Variants in TENM1 observed in about 807,000 individuals in gnomAD.
The protein encoded by TENM1 is teneurin-1.
A neutral mutation model predicts 174.8 loss-of-function variants in TENM1; 35 were observed. The ratio of observed to expected loss-of-function variants is 0.20; its 90% confidence interval spans 0.15 to 0.27. The LOEUF is 0.27. Among genes scored for constraint, TENM1 ranks in the 10% least tolerant of loss-of-function variants. The pLI is 1.00. For missense variants in TENM1, 1,633 were observed against 2,130.1 expected, an observed-to-expected ratio of 0.77 and a Z score of 4.59; for synonymous variants, 781 against 798.7, an observed-to-expected ratio of 0.98 and a Z score of 0.37.
chrX:125,026,340 C>T, the TENM1 span, among the ~76,000 whole-genome samples: 31,619 of 110,151 alleles, frequency 0.29, 5,342 homozygotes, highest in African/African-American at 0.64. Context: ...AAATATAAAT[C>T]ACTAACATAC....
intron 23 of TENM1, among the ~76,000 whole-genome samples, chrX:124,452,998 C>G (rs1433648866): frequency 9.0e-6 from 1 of 110,524 alleles, no homozygotes; most frequent in South Asian, 3.9e-4. Context: ...TACCCTAGAA[C>G]TTAAAGTATA....
the TENM1 span, among the ~76,000 whole-genome samples, chrX:125,196,013 C>CGAACGAAG: frequency 8.6e-3 from 778 of 90,718 alleles, 14 homozygotes; most frequent in African/African-American, 0.032. Context: ...AAAGAAGGAA[C>CGAACGAAG]GAAGGAAGGA....
intron 1 of TENM1, among the ~76,000 whole-genome samples, chrX:124,936,278 C>A (rs2058242302): frequency 1.8e-5 from 2 of 111,837 alleles, no homozygotes; most frequent in Non-Finnish European, 3.8e-5. Flanking sequence ...TTAAAACACA[C>A]CAAACTCTTT....
At chrX:124,458,237 T>C (rs976418579) in intron 22 of TENM1, among the ~76,000 whole-genome samples, 9 of 112,479 alleles carry the variant, frequency 8.0e-5, no homozygotes, top group Non-Finnish European at 1.3e-4. Context: ...CCCATCTGAC[T>C]ACTGTCCACT....
At chrX:124,466,624 C>T (rs780663048) in intron 22 of TENM1, among the ~76,000 whole-genome samples, 7 of 111,582 alleles carry the variant, frequency 6.3e-5, no homozygotes, top group Non-Finnish European at 1.1e-4. Context: ...AAAAGTACAA[C>T]GGAAAGAAAC....
chrX:125,060,193 A>G, the TENM1 span, among the ~76,000 whole-genome samples: 2 of 105,129 alleles, frequency 1.9e-5, no homozygotes, highest in South Asian at 8.3e-4. Flanking sequence ...ACACACACAC[A>G]CACACACACA....
At chrX:124,716,667 A>G (rs2053189534) in intron 4 of TENM1, among the ~76,000 whole-genome samples, 1 of 112,004 alleles carries the variant, frequency 8.9e-6, no homozygotes, top group Non-Finnish European at 1.9e-5. Context: ...TTAACATCAA[A>G]ATGTTAATTG....
intron 11 of TENM1, among the ~76,000 whole-genome samples, chrX:124,594,658 C>A (rs2148264002): frequency 8.9e-6 from 1 of 112,066 alleles, no homozygotes; most frequent in South Asian, 3.7e-4. Context: ...ATTCTACTAT[C>A]TATGTGCATC....
chrX:124,569,735 T>A (rs753088730), intron 11 of TENM1, among the ~76,000 whole-genome samples: 8 of 110,983 alleles, frequency 7.2e-5, no homozygotes, highest in Non-Finnish European at 1.1e-4. Context: ...TATAACTAAA[T>A]CCATGTGTAC....
the TENM1 span, among the ~76,000 whole-genome samples, chrX:124,994,400 T>C: frequency 4.6e-5 from 5 of 109,194 alleles, no homozygotes; most frequent in African/African-American, 1.0e-4. Flanking sequence ...CAAAAGAAGT[T>C]TGCCAAGCCC....
chrX:124,470,071 C>T (rs1435255888), intron 22 of TENM1, among the ~76,000 whole-genome samples: 1 of 111,504 alleles, frequency 9.0e-6, no homozygotes, highest in Non-Finnish European at 1.9e-5. Context: ...TGTGTTCAAT[C>T]TTTTGGGAGG....
At chrX:125,145,212 A>C in the TENM1 span, among the ~76,000 whole-genome samples, 1 of 111,906 alleles carries the variant, frequency 8.9e-6, no homozygotes, top group East Asian at 2.8e-4. Flanking sequence ...ATTTCACAGC[A>C]GCCAGAACAT....
chrX:124,485,903 C>T (rs774434957), intron 21 of TENM1, among the ~76,000 whole-genome samples: 5 of 111,951 alleles, frequency 4.5e-5, no homozygotes, highest in Non-Finnish European at 7.5e-5. Context: ...AGCAACATGT[C>T]CTATTTTGCT....
At chrX:124,902,163 A>G (rs1397075300) in intron 1 of TENM1, among the ~76,000 whole-genome samples, 1 of 112,292 alleles carries the variant, frequency 8.9e-6, no homozygotes, top group Non-Finnish European at 1.9e-5. Flanking sequence ...TTATAACCCG[A>G]ACCTGTTATC....
intron 23 of TENM1, among the ~76,000 whole-genome samples, chrX:124,451,560 T>C (rs900384366): frequency 8.9e-5 from 10 of 112,004 alleles, no homozygotes; most frequent in African/African-American, 2.6e-4. Context: ...GCCCGCATTG[T>C]CAAGTCAATC....
chrX:124,759,665 T>C, intron 3 of TENM1, among the ~76,000 whole-genome samples: 1 of 112,309 alleles, frequency 8.9e-6, no homozygotes. Flanking sequence ...ATACAGCCTA[T>C]TCCTTAATGT....
intron 3 of TENM1, among the ~76,000 whole-genome samples, chrX:124,783,271 A>G (rs1377634240): frequency 8.9e-6 from 1 of 111,869 alleles, no homozygotes; most frequent in Non-Finnish European, 1.9e-5. Context: ...TATATAGTAA[A>G]GTTTGACTTG....
intron 11 of TENM1, among the ~76,000 whole-genome samples, chrX:124,567,858 G>T (rs2048974780): frequency 9.0e-6 from 1 of 111,580 alleles, no homozygotes; most frequent in African/African-American, 3.3e-5. Context: ...AACTGAAAGG[G>T]CCTTTATAAG....
intron 3 of TENM1, among the ~76,000 whole-genome samples, chrX:124,753,052 G>T (rs770246594): frequency 1.4e-4 from 15 of 110,606 alleles, no homozygotes; most frequent in African/African-American, 4.9e-4. Context: ...GATGGGGATG[G>T]CATTGAATCT....
Sources: gnomAD v4.1 joint callset for allele counts (sites outside exome capture counted in the v4.1 genomes callset) on GRCh38, gnomAD v4.1.1 for gene constraint, MANE v1.5 for transcripts, NCBI Gene and HGNC (gene_info 2026-07-23, HGNC 2026-07-21) for gene names.